EIF2B3: variants seen among roughly 807,000 people sequenced by gnomAD.
EIF2B3 encodes translation initiation factor eIF2B subunit gamma.
Under a neutral mutation model 54.1 loss-of-function variants are expected in EIF2B3, and 20 were observed. That is an observed-to-expected ratio of 0.37 (90% CI 0.26 to 0.54). The LOEUF (loss-of-function observed/expected upper bound fraction) is 0.54, where lower values mean the gene tolerates loss of function less well. Ranked by LOEUF, EIF2B3 falls within the 20% of genes least tolerant of loss-of-function variation. The probability of loss-of-function intolerance (pLI) is 0.86; values close to 1 mark genes in which losing one functional copy is unlikely to be tolerated. For missense variants in EIF2B3, 448 were observed against 547.8 expected (o/e 0.82, Z 1.82); for synonymous variants, 153 against 188.1 (o/e 0.81, Z 1.52).
intron 6 of EIF2B3, among the ~76,000 whole-genome samples, chr1:44,886,204 C>T (rs1022340902): frequency 4.0e-5 from 6 of 151,638 alleles, no homozygotes; most frequent in Non-Finnish European, 8.8e-5. Flanking sequence ...CTCAAGCTCC[C>T]GAGTAGCTGG....
chr1:44,918,825 C>T (rs1643679836), intron 5 of EIF2B3, among the ~76,000 whole-genome samples: 2 of 152,186 alleles, frequency 1.3e-5, no homozygotes, highest in African/African-American at 2.4e-5. Context: ...CTTCCTTATG[C>T]GTTTTACCTT....
intron 11 of EIF2B3, among the ~76,000 whole-genome samples, chr1:44,852,918 T>C (rs917538306): frequency 1.3e-5 from 2 of 152,134 alleles, no homozygotes; most frequent in Admixed American, 6.6e-5. Flanking sequence ...AGATAGGATA[T>C]GGTCATATAA....
intron 3 of EIF2B3, among the ~76,000 whole-genome samples, chr1:44,944,405 G>A (rs1334488436): frequency 6.6e-6 from 1 of 151,974 alleles, no homozygotes; most frequent in African/African-American, 2.4e-5. Flanking sequence ...CAAGGCAGGA[G>A]GACTGCATGA....
At chr1:44,872,295 A>C (rs1351431234) in intron 10 of EIF2B3, among the ~76,000 whole-genome samples, 3 of 152,072 alleles carry the variant, frequency 2.0e-5, no homozygotes, top group African/African-American at 7.2e-5. Context: ...GACCTTCCAA[A>C]GTGCCGGGAC....
At chr1:44,879,244 AG>A (rs1365002932) in intron 8 of EIF2B3, among the ~76,000 whole-genome samples, 2 of 151,936 alleles carry the variant, frequency 1.3e-5, no homozygotes, top group Non-Finnish European at 2.9e-5. Context: ...CTTATCTTTG[AG>A]GACACTGCTT....
chr1:44,902,194 T>G (rs1643320473), intron 5 of EIF2B3, among the ~76,000 whole-genome samples: 1 of 152,236 alleles, frequency 6.6e-6, no homozygotes. Flanking sequence ...ATACTTGTCT[T>G]GACTACCATA....
chr1:44,918,820 T>A (rs757807787), intron 5 of EIF2B3, among the ~76,000 whole-genome samples: 6 of 152,234 alleles, frequency 3.9e-5, no homozygotes, highest in Non-Finnish European at 8.8e-5. Flanking sequence ...CCATACTTCC[T>A]TATGCGTTTT....
At chr1:44,933,404 C>A (rs374320188) in intron 4 of EIF2B3, among the ~76,000 whole-genome samples, 1 of 152,162 alleles carries the variant, frequency 6.6e-6, no homozygotes, top group South Asian at 2.1e-4. Context: ...CAAATCTTTA[C>A]ATTCTATAGT....
intron 11 of EIF2B3, among the ~76,000 whole-genome samples, chr1:44,854,745 G>A (rs1178024099): frequency 3.3e-5 from 5 of 151,342 alleles, no homozygotes; most frequent in Admixed American, 6.6e-5. Context: ...GCACTACCAC[G>A]CCCGGCTAAT....
rs539080262 is a variant in EIF2B3 at position 44,981,124 on chromosome 1, C to T, written c.45G>A (p.Arg15=). Reference sequence around the variant, plus strand: ...GAATGCTGGAAGTTAGGTCTGTCATCCGAGATCCTCCACCTACTGCCATCA... The same window carrying T: ...GAATGCTGGAAGTTAGGTCTGTCATTCGAGATCCTCCACCTACTGCCATCA... ...AVVMAVGGGS[R]MTDLTSSIPK... is the part of the protein sequence containing the mutation. The change falls in exon 2 of 12, where the codon CGG becomes CGA. Residue 15 remains arginine (R), a synonymous_variant. Transcript: ENST00000360403. 139 of 1,612,804 alleles carry T rather than the reference C, an allele frequency of 8.6e-5. 1 individual carries two copies. The highest frequency in any genetic ancestry group is 4.2e-4 in the South Asian group (38 of 91,034).
chr1:44,882,364 C>T (rs1557669037), intron 6 of EIF2B3, among the ~76,000 whole-genome samples: 2 of 152,144 alleles, frequency 1.3e-5, no homozygotes. Flanking sequence ...ACCTAATCAA[C>T]TCCATCTTGC....
At chr1:44,859,072 A>T (rs1557658574) in intron 10 of EIF2B3, among the ~76,000 whole-genome samples, 1 of 151,960 alleles carries the variant, frequency 6.6e-6, no homozygotes, top group Admixed American at 6.6e-5. Flanking sequence ...GCCGAGGTGG[A>T]AGGATCACTT....
chr1:44,935,139 G>T (rs895625382), intron 4 of EIF2B3, among the ~76,000 whole-genome samples: 4 of 152,172 alleles, frequency 2.6e-5, no homozygotes, highest in Non-Finnish European at 5.9e-5. Context: ...GTTAAATAAA[G>T]TTTCCTAGAA....
chr1:44,922,836 ATTTTTTTTTTTT>A (rs386366852), intron 5 of EIF2B3, among the ~76,000 whole-genome samples: 140 of 56,664 alleles, frequency 2.5e-3, no homozygotes, highest in African/African-American at 8.3e-3. Context: ...TCTTTTTCAG[ATTTTTTTTTTTT>A]TTTTTTTTTT....
chr1:44,924,137 T>G (rs1643806045), intron 5 of EIF2B3, among the ~76,000 whole-genome samples: 1 of 152,054 alleles, frequency 6.6e-6, no homozygotes, highest in Non-Finnish European at 1.5e-5. Context: ...AGACAGGGTT[T>G]CACCGTGTTA....
Position 44,946,126 on chromosome 1 carries a change from A to G in EIF2B3, c.295-4461T>C, listed in dbSNP as rs532763728. 3.9e-5 allele frequency among the ~76,000 whole-genome samples: 6 copies of G among 152,298 alleles called. No individual in the cohort carries two copies. In the East Asian group the frequency reaches 1.2e-3, roughly 29 times the overall value. ...TGACTTTTTGCTAAACTGAATGCAA[A>G]ATCCCCAAGGATCACAAGGAACAGA... On this transcript the variant is annotated intron_variant, in intron 3 of 11. Transcript: ENST00000360403.
intron 5 of EIF2B3, among the ~76,000 whole-genome samples, chr1:44,911,344 C>G (rs575799677): frequency 2.9e-4 from 44 of 152,298 alleles, no homozygotes; most frequent in African/African-American, 9.9e-4. Context: ...GGAAAAAAAT[C>G]TGCCAACAAC....
At chr1:44,879,405 A>G (rs1043697048) in intron 8 of EIF2B3, among the ~76,000 whole-genome samples, 1 of 152,154 alleles carries the variant, frequency 6.6e-6, no homozygotes, top group African/African-American at 2.4e-5. Context: ...TGGCCACTCT[A>G]TACTCTGCTC....
At chr1:44,984,973 A>AT (rs1326309938) in intron 1 of EIF2B3, among the ~76,000 whole-genome samples, 2 of 149,476 alleles carry the variant, frequency 1.3e-5, no homozygotes, top group Non-Finnish European at 3.0e-5. Context: ...CGCCCGGCTA[A>AT]TTTTTTGTAT....
Sources: gnomAD v4.1 joint callset for allele counts (sites outside exome capture counted in the v4.1 genomes callset) on GRCh38, gnomAD v4.1.1 for gene constraint, MANE v1.5 for transcripts, NCBI Gene and HGNC (gene_info 2026-07-23, HGNC 2026-07-21) for gene names.